Variants in KIF16B observed in about 807,000 individuals in gnomAD.
KIF16B encodes kinesin family member 16B, also known as kinesin-like protein KIF16B.
KIF16B carries 98 observed loss-of-function variants against 156.3 expected under a neutral mutation model. The observed-to-expected ratio is 0.63, with a 90% CI of 0.53 to 0.74. The LOEUF is 0.74. Ranked by LOEUF, KIF16B falls within the 30% of genes least tolerant of loss-of-function variation. KIF16B has a pLI of 0.00. For synonymous variants in KIF16B, 564 were observed against 583.7 expected (o/e 0.97, Z 0.49); for missense variants, 1,421 against 1,606.5 (o/e 0.88, Z 1.97).
At chr20:16,316,732 G>T (rs1218055421) in intron 24 of KIF16B, among the ~76,000 whole-genome samples, 1 of 152,102 alleles carries the variant, frequency 6.6e-6, no homozygotes, top group African/African-American at 2.4e-5. Context: ...CAAGTGCAAA[G>T]CTATTGCCTC....
rs116268201 is a variant in KIF16B at position 16,427,192 on chromosome 20, G to T, written c.1524C>A (p.Ile508=). Residue 508 remains isoleucine, a synonymous_variant, in exon 15 of 26, where the codon ATC becomes ATA. Coordinates refer to ENST00000354981, the MANE Select transcript of KIF16B (RefSeq NM_024704.5). ...LESEHCIFEN[I]GGTVTLIPLS... is the part of the protein sequence containing the mutation. The stretch of plus-strand genomic sequence containing the variant: ...GGGGTATCAGAGTCACTGTCCCCCC[G>T]ATATTTTCAAAGATGCAATGCTCAC... The T allele has an allele frequency of 6.2e-7, 1 of 1,612,704 alleles. No individual in the cohort carries two copies. The highest frequency in any genetic ancestry group is 2.2e-5 in the East Asian group (1 of 44,792).
At chr20:16,290,615 G>A (rs2063300787) in intron 25 of KIF16B, among the ~76,000 whole-genome samples, 1 of 152,206 alleles carries the variant, frequency 6.6e-6, no homozygotes, top group Non-Finnish European at 1.5e-5. Flanking sequence ...TTACCCTCCT[G>A]CCTTGGGAGC....
At chr20:16,318,937 T>A (rs2063736357) in intron 24 of KIF16B, among the ~76,000 whole-genome samples, 2 of 152,198 alleles carry the variant, frequency 1.3e-5, no homozygotes, top group South Asian at 4.1e-4. Flanking sequence ...GTAGAGAAAC[T>A]TCAGCCACGT....
chr20:16,455,516 A>C (rs2067189988), intron 12 of KIF16B, among the ~76,000 whole-genome samples: 1 of 152,208 alleles, frequency 6.6e-6, no homozygotes, highest in African/African-American at 2.4e-5. Flanking sequence ...GAATATCCTT[A>C]TCCTGCAACT....
In KIF16B at chr20:16,423,933, T is replaced by C. The variant is rs572500555; in HGVS notation, c.1612+3171A>G. 1.5e-4 allele frequency among the ~76,000 whole-genome samples: 23 copies of C among 152,260 alleles called. No homozygotes were observed. In the East Asian group the frequency reaches 4.1e-3, roughly 27 times the overall value. On this transcript the variant is annotated intron_variant, in intron 15 of 25. Coordinates refer to ENST00000354981, the MANE Select transcript of KIF16B (RefSeq NM_024704.5). ...AGCCTGTGAGTTCCCAAGCAGGGAC[T>C]GCCACTGAAGAGCCCTACATGGTGA...
chr20:16,390,920 C>T (rs2065347789), intron 17 of KIF16B, among the ~76,000 whole-genome samples: 1 of 152,158 alleles, frequency 6.6e-6, no homozygotes, highest in Non-Finnish European at 1.5e-5. Context: ...TGAAAGAAAA[C>T]ATGCTCATAT....
At chr20:16,406,749 ATAAT>A (rs2065796841) in intron 15 of KIF16B, among the ~76,000 whole-genome samples, 1 of 152,190 alleles carries the variant, frequency 6.6e-6, no homozygotes, top group African/African-American at 2.4e-5. Flanking sequence ...TAACAGACAT[ATAAT>A]TAGACTTTTG....
chr20:16,368,979 T>A (rs1407596981), intron 22 of KIF16B: 37 of 985,718 alleles, frequency 3.8e-5, no homozygotes, highest in Non-Finnish European at 4.5e-5. Flanking sequence ...AGATTTTAGG[T>A]AGATTAAAAC....
At chr20:16,479,409 T>C (rs2067915005) in intron 12 of KIF16B, among the ~76,000 whole-genome samples, 1 of 152,018 alleles carries the variant, frequency 6.6e-6, no homozygotes, top group Non-Finnish European at 1.5e-5. Flanking sequence ...AGCTACCGAA[T>C]GCGGGGCTTA....
At chr20:16,327,063 A>C (rs1278218578) in intron 24 of KIF16B, among the ~76,000 whole-genome samples, 1 of 111,024 alleles carries the variant, frequency 9.0e-6, no homozygotes, top group Non-Finnish European at 1.8e-5. Flanking sequence ...GTATATGTAT[A>C]CATGTACACA....
chr20:16,562,928 A>G (rs932653280), intron 1 of KIF16B, among the ~76,000 whole-genome samples: 3 of 152,194 alleles, frequency 2.0e-5, no homozygotes, highest in Non-Finnish European at 4.4e-5. Context: ...TAGATAGTAC[A>G]GCGCAGGATT....
At chr20:16,545,695 A>G (rs2070380669) in intron 1 of KIF16B, among the ~76,000 whole-genome samples, 1 of 152,196 alleles carries the variant, frequency 6.6e-6, no homozygotes, top group Non-Finnish European at 1.5e-5. Flanking sequence ...TAAAAGAGGT[A>G]TTGCAGAACA....
chr20:16,367,860 A>G (rs760874096), intron 22 of KIF16B: 2 of 1,576,334 alleles, frequency 1.3e-6, no homozygotes, highest in Non-Finnish European at 1.7e-6. Context: ...AACTGAATAC[A>G]GTGAGCAGAA....
intron 15 of KIF16B, among the ~76,000 whole-genome samples, chr20:16,409,152 T>C (rs924266292): frequency 2.0e-5 from 3 of 152,074 alleles, no homozygotes; most frequent in East Asian, 1.9e-4. Flanking sequence ...GGGTTTATTA[T>C]AGGGGAAACT....
intron 17 of KIF16B, among the ~76,000 whole-genome samples, chr20:16,402,782 G>T (rs910721287): frequency 6.6e-6 from 1 of 152,168 alleles, no homozygotes; most frequent in Admixed American, 6.5e-5. Context: ...TGCAGGCTGG[G>T]ACTTTATTTT....
intron 25 of KIF16B, among the ~76,000 whole-genome samples, chr20:16,279,843 T>A (rs915705602): frequency 6.6e-6 from 1 of 152,170 alleles, no homozygotes; most frequent in Non-Finnish European, 1.5e-5. Context: ...CACAGGCTAA[T>A]ATGGTCTACT....
intron 17 of KIF16B, among the ~76,000 whole-genome samples, chr20:16,397,657 G>A (rs1373966770): frequency 6.6e-6 from 1 of 152,164 alleles, no homozygotes; most frequent in Non-Finnish European, 1.5e-5. Flanking sequence ...GAAAAACTGA[G>A]TACTATGCAG....
rs545556234 is a variant in KIF16B at position 16,487,795 on chromosome 20, A to C, written c.1302+6496T>G. The stretch of plus-strand genomic sequence containing the variant: ...GCCTCTCCTACTCCCCCAGAGAAGG[A>C]ATATCAAGACGCCAGCTCAATTTAA... On this transcript the variant is annotated intron_variant, in intron 12 of 25. Coordinates refer to ENST00000354981, the MANE Select transcript of KIF16B (RefSeq NM_024704.5). 1.5e-4 allele frequency among the ~76,000 whole-genome samples: 23 copies of C among 152,274 alleles called. No individual in the cohort carries two copies. The East Asian group carries it at 4.2e-3, about 28-fold the overall frequency.
At chr20:16,305,932 T>C (rs1601534423) in intron 25 of KIF16B, among the ~76,000 whole-genome samples, 1 of 152,206 alleles carries the variant, frequency 6.6e-6, no homozygotes, top group Non-Finnish European at 1.5e-5. Context: ...CTTAGGTTGA[T>C]TCCATATCTT....
Sources: gnomAD v4.1 joint callset for allele counts (sites outside exome capture counted in the v4.1 genomes callset) on GRCh38, gnomAD v4.1.1 for gene constraint, MANE v1.5 for transcripts, NCBI Gene and HGNC (gene_info 2026-07-23, HGNC 2026-07-21) for gene names.